The following MEGF11 variants were observed in gnomAD, a reference collection of about 807,000 sequenced individuals.
The protein encoded by MEGF11 is multiple EGF like domains 11, also known as multiple epidermal growth factor-like domains protein 11.
Under a neutral mutation model 146.6 loss-of-function variants are expected in MEGF11, and 126 were observed. The observed-to-expected ratio is 0.86, with a 90% CI of 0.74 to 1.00. The LOEUF (loss-of-function observed/expected upper bound fraction) is 1.00. Among genes scored for constraint, MEGF11 ranks in the 50% least tolerant of loss-of-function variants. The pLI is 0.00. For missense variants in MEGF11, 1,509 were observed against 1,521.2 expected, an observed-to-expected ratio of 0.99 and a Z score of 0.13; for synonymous variants, 532 against 583.4, an observed-to-expected ratio of 0.91 and a Z score of 1.27.
intron 7 of MEGF11, among the ~76,000 whole-genome samples, chr15:65,974,948 C>G (rs1365733176): frequency 6.6e-6 from 1 of 151,934 alleles, no homozygotes. Flanking sequence ...TGAGTTCAAG[C>G]GATTATCCCA....
chr15:66,006,231 G>C (rs1297589542), intron 5 of MEGF11, among the ~76,000 whole-genome samples: 1 of 152,162 alleles, frequency 6.6e-6, no homozygotes, highest in Non-Finnish European at 1.5e-5. Flanking sequence ...GGAGCCCGGG[G>C]CTCTGGCTGC....
chr15:66,121,913 C>T (rs577615412), intron 3 of MEGF11, among the ~76,000 whole-genome samples: 8 of 152,180 alleles, frequency 5.3e-5, no homozygotes, highest in South Asian at 4.2e-4. Flanking sequence ...TAATAGAATC[C>T]GGTCTCCCCA....
intron 1 of MEGF11, among the ~76,000 whole-genome samples, chr15:66,136,234 TG>T (rs2088879523): frequency 6.6e-6 from 1 of 152,218 alleles, no homozygotes; most frequent in Admixed American, 6.5e-5. Flanking sequence ...TGCAGCCCAG[TG>T]GTGAAACGCG....
chr15:65,918,035 CGTT>C lies in MEGF11; in HGVS notation c.2014_2016del (p.Asn672del), dbSNP rs1567156215. The stretch of plus-strand genomic sequence containing the variant: ...GAGCCATCGATAGGGCTGCAGGTCC[CGTT>C]GTTGGCACAGGAGCAGAGCTGGGCA... On this transcript the variant is annotated inframe_deletion, in exon 16 of 26. Coordinates refer to ENST00000395614, the MANE Select transcript of MEGF11 (RefSeq NM_001385028.1). 1 of 1,613,988 alleles carries C rather than the reference CGTT, an allele frequency of 6.2e-7. No homozygotes were observed. Among genetic ancestry groups the C allele is most frequent in the Admixed American group, 1.7e-5 (1 of 60,022 alleles).
intron 1 of MEGF11, among the ~76,000 whole-genome samples, chr15:66,211,656 C>G (rs1185554471): frequency 2.0e-5 from 3 of 151,860 alleles, no homozygotes; most frequent in African/African-American, 7.3e-5. Flanking sequence ...CCCAGTCACA[C>G]AGCTCAATGC....
chr15:66,136,040 C>T (rs748439304), intron 1 of MEGF11, among the ~76,000 whole-genome samples: 4 of 152,180 alleles, frequency 2.6e-5, no homozygotes, highest in South Asian at 4.1e-4. Flanking sequence ...TTCAGGTTTG[C>T]GCCATCTCCC....
chr15:66,063,224 C>T (rs1409256384), intron 5 of MEGF11, among the ~76,000 whole-genome samples: 2 of 152,148 alleles, frequency 1.3e-5, no homozygotes, highest in Non-Finnish European at 2.9e-5. Flanking sequence ...AGGCTTGAAG[C>T]TTTAAATATC....
At chr15:66,015,695 T>C (rs937400845) in intron 5 of MEGF11, among the ~76,000 whole-genome samples, 18 of 152,110 alleles carry the variant, frequency 1.2e-4, no homozygotes, top group African/African-American at 4.3e-4. Flanking sequence ...TTCCTGGGAA[T>C]CTAGAAAAGC....
In MEGF11 at chr15:65,896,990, G is replaced by A. The variant is rs2078370396; in HGVS notation, c.*944C>T. ...CAATCTCAAGATTTATGAAGAACTTGAAAGCAAGTACTCTTGAGTCAAGGG... is the reference window on the plus strand; with the variant it reads ...CAATCTCAAGATTTATGAAGAACTTAAAAGCAAGTACTCTTGAGTCAAGGG... On this transcript the variant is annotated 3_prime_UTR_variant, in exon 26 of 26. Coordinates refer to ENST00000395614, the MANE Select transcript of MEGF11 (RefSeq NM_001385028.1). The A allele has an allele frequency of 6.6e-6, 1 of 152,182 alleles. No homozygotes were observed. Among genetic ancestry groups the A allele is most frequent in the Non-Finnish European group, 1.5e-5 (1 of 68,034 alleles). The allele number at this position is 152,182 out of a possible 1,614,324, so 9.4% of individuals were successfully genotyped here.
At chr15:66,072,798 A>T (rs1375764834) in intron 5 of MEGF11, among the ~76,000 whole-genome samples, 5 of 152,226 alleles carry the variant, frequency 3.3e-5, no homozygotes, top group Non-Finnish European at 7.3e-5. Flanking sequence ...GTCAAGGCCC[A>T]GGAAGGTTGC....
chr15:66,195,457 C>T (rs2090984911), intron 1 of MEGF11, among the ~76,000 whole-genome samples: 1 of 152,152 alleles, frequency 6.6e-6, no homozygotes, highest in African/African-American at 2.4e-5. Flanking sequence ...TGGGTTCCCC[C>T]ACAAGCAAAC....
chr15:65,902,651 CAAAG>C (rs779074390), intron 24 of MEGF11: 2 of 152,184 alleles, frequency 1.3e-5, no homozygotes, highest in Non-Finnish European at 2.9e-5. Flanking sequence ...GGGCATTTTG[CAAAG>C]AAAGAGGAAG....
chr15:66,124,015 G>A lies in MEGF11; in HGVS notation c.99-15C>T. On this transcript the variant is annotated splice_polypyrimidine_tract_variant and intron_variant, in intron 2 of 25. Coordinates refer to ENST00000395614, the MANE Select transcript of MEGF11 (RefSeq NM_001385028.1). ...TCACAGCATAGCTGAGAACCAGATG[G>A]GAGATAGGAGCCATGATTAGCACTT... 6.3e-7 allele frequency: 1 copy of A among 1,598,080 alleles called. No individual in the cohort carries two copies. Among genetic ancestry groups the A allele is most frequent in the Non-Finnish European group, 8.6e-7 (1 of 1,165,422 alleles).
chr15:66,066,454 A>G (rs1247959460), intron 5 of MEGF11, among the ~76,000 whole-genome samples: 2 of 152,224 alleles, frequency 1.3e-5, no homozygotes, highest in Non-Finnish European at 2.9e-5. Flanking sequence ...GGCTATTTCA[A>G]TGATAATTTT....
At chr15:65,929,018 T>C (rs749570929) in intron 12 of MEGF11, among the ~76,000 whole-genome samples, 27 of 152,296 alleles carry the variant, frequency 1.8e-4, no homozygotes, top group Admixed American at 6.5e-4. Flanking sequence ...TTTTTCTTAA[T>C]CCTCACAGCA....
chr15:66,088,125 G>C (rs1242400971), intron 5 of MEGF11, among the ~76,000 whole-genome samples: 1 of 152,110 alleles, frequency 6.6e-6, no homozygotes, highest in Non-Finnish European at 1.5e-5. Context: ...GTTTAAATCA[G>C]GAAGAATTAG....
chr15:66,038,035 G>A (rs552180672), intron 5 of MEGF11, among the ~76,000 whole-genome samples: 14 of 152,202 alleles, frequency 9.2e-5, no homozygotes, highest in African/African-American at 2.2e-4. Flanking sequence ...TTACCAAAGC[G>A]GTTTTATATG....
At chr15:66,189,597 C>A (rs1446355814) in intron 1 of MEGF11, among the ~76,000 whole-genome samples, 1 of 152,042 alleles carries the variant, frequency 6.6e-6, no homozygotes, top group Non-Finnish European at 1.5e-5. Flanking sequence ...TGAGAGGGGG[C>A]GCAGGAGAGG....
intron 4 of MEGF11, among the ~76,000 whole-genome samples, chr15:66,104,081 A>T (rs1341309317): frequency 6.6e-6 from 1 of 152,216 alleles, no homozygotes; most frequent in East Asian, 1.9e-4. Context: ...ATTAGATAAC[A>T]TGTGTGAAGG....
Sources: gnomAD v4.1 joint callset for allele counts (sites outside exome capture counted in the v4.1 genomes callset) on GRCh38, gnomAD v4.1.1 for gene constraint, MANE v1.5 for transcripts, NCBI Gene and HGNC (gene_info 2026-07-23, HGNC 2026-07-21) for gene names.